The following ETNK1 variants were observed in gnomAD, a reference collection of about 807,000 sequenced individuals.
The protein encoded by ETNK1 is putative protein product of Nbla10396.
ETNK1 carries 8 observed loss-of-function variants against 45.1 expected under a neutral mutation model. The observed-to-expected ratio is 0.18, with a 90% CI of 0.10 to 0.32. The LOEUF (loss-of-function observed/expected upper bound fraction) is 0.32, where lower values mean the gene tolerates loss of function less well. Among genes scored for constraint, ETNK1 ranks in the 10% least tolerant of loss-of-function variants. The pLI is 1.00. For synonymous variants in ETNK1, 152 were observed against 151.9 expected (o/e 1.00, Z -0.01); for missense variants, 302 against 430.6 (o/e 0.70, Z 2.64).
At chr12:22,671,839 A>G (rs1414514700) in intron 5 of ETNK1, among the ~76,000 whole-genome samples, 1 of 142,212 alleles carries the variant, frequency 7.0e-6, no homozygotes, top group Non-Finnish European at 1.5e-5. Context: ...ACTCCATCTC[A>G]TTAAAAAAAA....
At chr12:22,676,521 C>A (rs974469638) in intron 6 of ETNK1, among the ~76,000 whole-genome samples, 3 of 151,980 alleles carry the variant, frequency 2.0e-5, no homozygotes, top group East Asian at 3.9e-4. Flanking sequence ...TGGGTATATA[C>A]CCAGTAATGG....
At chr12:22,647,488 A>T (rs184613403) in intron 2 of ETNK1, among the ~76,000 whole-genome samples, 9 of 151,996 alleles carry the variant, frequency 5.9e-5, no homozygotes, top group Admixed American at 5.2e-4. Flanking sequence ...TTATATTCAG[A>T]TATAACTAAG....
rs144197671 is a variant in ETNK1 at position 22,645,321 on chromosome 12, G to C, written c.416+1299G>C. On this transcript the variant is annotated intron_variant, in intron 2 of 7. Coordinates refer to ENST00000266517, the MANE Select transcript of ETNK1 (RefSeq NM_018638.5). ...AGAGAAGGGCCACATGAGTTTCCTT[G>C]TAACTAAAGCAGAGAGTAAAACATG... 4.0e-3 allele frequency among the ~76,000 whole-genome samples: 610 copies of C among 151,846 alleles called. 1 individual carries two copies. Among genetic ancestry groups the C allele is most frequent in the African/African-American group, 0.014 (579 of 41,516 alleles).
At chr12:22,652,910 T>G (rs1250415563) in intron 2 of ETNK1, among the ~76,000 whole-genome samples, 1 of 152,194 alleles carries the variant, frequency 6.6e-6, no homozygotes, top group Non-Finnish European at 1.5e-5. Flanking sequence ...CATTGCCAAG[T>G]ATCCAGTGTG....
intron 6 of ETNK1, among the ~76,000 whole-genome samples, chr12:22,678,781 A>G (rs16925281): frequency 0.047 from 7,160 of 152,290 alleles, 553 homozygotes; most frequent in African/African-American, 0.16. Flanking sequence ...TTGGACGTTA[A>G]TGTTGTCATG....
At chr12:22,661,025 T>C in intron 3 of ETNK1, 38 bp from the exon 4 acceptor site, 2 of 1,566,266 alleles carry the variant, frequency 1.3e-6, no homozygotes, top group Non-Finnish European at 1.7e-6. Context: ...TTGAAAAAAA[T>C]GTCACACAAG....
intron 6 of ETNK1, among the ~76,000 whole-genome samples, chr12:22,678,273 T>C (rs915199421): frequency 3.3e-5 from 5 of 152,194 alleles, no homozygotes; most frequent in South Asian, 2.1e-4. Context: ...TCTCAGACAC[T>C]GCAATCTGCC....
chr12:22,658,235 G>A (rs1953964007), intron 2 of ETNK1, among the ~76,000 whole-genome samples: 1 of 151,990 alleles, frequency 6.6e-6, no homozygotes, highest in African/African-American at 2.4e-5. Context: ...AGAACAGAGG[G>A]GCCTCAAAGA....
chr12:22,681,742 T>C (rs975321420), intron 6 of ETNK1, among the ~76,000 whole-genome samples: 2 of 152,076 alleles, frequency 1.3e-5, no homozygotes, highest in African/African-American at 4.8e-5. Context: ...TATTTTACAC[T>C]TCTGCAAATT....
intron 6 of ETNK1, among the ~76,000 whole-genome samples, chr12:22,676,682 C>T (rs1954165761): frequency 2.6e-5 from 4 of 151,918 alleles, no homozygotes; most frequent in Admixed American, 6.6e-5. Flanking sequence ...TGTTTCCTGA[C>T]TTTTTAATGA....
At chr12:22,637,784 T>C (rs185469545) in intron 1 of ETNK1, among the ~76,000 whole-genome samples, 55 of 152,228 alleles carry the variant, frequency 3.6e-4, no homozygotes, top group African/African-American at 1.3e-3. Flanking sequence ...GTGTACAAAA[T>C]AGTGTAATTG....
intron 2 of ETNK1, among the ~76,000 whole-genome samples, chr12:22,657,909 CATAATA>C (rs770080247): frequency 2.0e-5 from 3 of 151,968 alleles, no homozygotes; most frequent in Admixed American, 6.6e-5. Context: ...AGTATAGAAA[CATAATA>C]ATAAAAATGT....
chr12:22,684,540 G>T lies in ETNK1; in HGVS notation c.1003G>T (p.Glu335Ter). Residue 335 changes from glutamate (E) to a stop codon, truncating the protein, a stop_gained, in exon 7 of 8, where the codon GAG (glutamate) becomes TAG (stop). Transcript: ENST00000266517. LOFTEE classifies it high-confidence loss of function. The stretch of plus-strand genomic sequence containing the variant: ...GATTCAAGCCAAATACTCCACTATT[G>T]AGTTTGATTTCCTTGGGTAAGTTAA... The part of the protein sequence containing the change: ...ALIQAKYSTI[E>*]FDFLGYAIVR... 6.2e-7 allele frequency: 1 copy of T among 1,607,622 alleles called. No individual in the cohort carries two copies.
rs1244320389 is a variant in ETNK1 at position 22,686,186 on chromosome 12, C to T, written c.*1232C>T. 6.6e-6 allele frequency: 1 copy of T among 152,138 alleles called. No homozygotes were observed. The highest frequency in any genetic ancestry group is 2.4e-5 in the African/African-American group (1 of 41,344). 9.4% of individuals were successfully genotyped at this position (152,138 alleles called of 1,614,324 possible). ...GTTTATTTCTCTTGTTTTTGTTTAA[C>T]TGTATTTTTAATTTTGTCTGGTGGT... On this transcript the variant is annotated 3_prime_UTR_variant, in exon 8 of 8. Coordinates refer to ENST00000266517, the MANE Select transcript of ETNK1 (RefSeq NM_018638.5).
At chr12:22,643,654 G>A in intron 1 of ETNK1, 109 bp from the exon 2 acceptor site, 2 of 732,214 alleles carry the variant, frequency 2.7e-6, no homozygotes, top group South Asian at 5.3e-5. Context: ...ATGTGAAGAA[G>A]TTGGTGTTTT....
intron 4 of ETNK1, 150 bp downstream of exon 4, chr12:22,661,355 T>C (rs762349594): frequency 3.8e-5 from 17 of 445,660 alleles, no homozygotes; most frequent in Non-Finnish European, 6.4e-5. Flanking sequence ...TATCAAGTTA[T>C]GGTAACTGTG....
At chr12:22,665,874 G>A (rs761234910) in intron 4 of ETNK1, among the ~76,000 whole-genome samples, 25 of 152,022 alleles carry the variant, frequency 1.6e-4, no homozygotes, top group Non-Finnish European at 3.4e-4. Context: ...AGATAGATAT[G>A]ATGTGACAAT....
At chr12:22,647,778 A>T (rs887531997) in intron 2 of ETNK1, among the ~76,000 whole-genome samples, 4 of 151,934 alleles carry the variant, frequency 2.6e-5, no homozygotes, top group African/African-American at 9.7e-5. Flanking sequence ...CTTTCAAGAG[A>T]AGTAACAATT....
At chr12:22,673,435 T>G in intron 5 of ETNK1, 65 bp from the exon 6 acceptor site, 2 of 1,277,842 alleles carry the variant, frequency 1.6e-6, no homozygotes, top group South Asian at 1.7e-5. Context: ...GTTTTAGGGA[T>G]TATTAAGGTA....
Sources: gnomAD v4.1 joint callset for allele counts (sites outside exome capture counted in the v4.1 genomes callset) on GRCh38, gnomAD v4.1.1 for gene constraint, MANE v1.5 for transcripts, NCBI Gene and HGNC (gene_info 2026-07-23, HGNC 2026-07-21) for gene names.